The following SNTG1 variants were observed in gnomAD, a reference collection of about 807,000 sequenced individuals.
The protein encoded by SNTG1 is syntrophin gamma 1.
In SNTG1, 39 loss-of-function variants were observed where a neutral mutation model predicts 74.7. That is an observed-to-expected ratio of 0.52 (90% CI 0.40 to 0.68). The LOEUF (loss-of-function observed/expected upper bound fraction) is 0.68. SNTG1 is among the 30% of genes least tolerant of loss of function. SNTG1 has a pLI of 0.00. For synonymous variants in SNTG1, 254 were observed against 217.1 expected (o/e 1.17, Z -1.49); for missense variants, 685 against 609.5 (o/e 1.12, Z -1.30).
intron 8 of SNTG1, among the ~76,000 whole-genome samples, chr8:50,481,476 A>G (rs1231697102): frequency 6.6e-6 from 1 of 152,236 alleles, no homozygotes; most frequent in Non-Finnish European, 1.5e-5. Context: ...GGGGATTTTT[A>G]TACTATCTCC....
intron 4 of SNTG1, among the ~76,000 whole-genome samples, chr8:50,423,924 C>T (rs2131476021): frequency 6.6e-6 from 1 of 152,266 alleles, no homozygotes; most frequent in South Asian, 2.1e-4. Context: ...TGATGAAAGG[C>T]TCAAGTATTG....
intron 18 of SNTG1, among the ~76,000 whole-genome samples, chr8:50,786,324 T>C (rs1412261304): frequency 6.6e-6 from 1 of 151,956 alleles, no homozygotes; most frequent in Non-Finnish European, 1.5e-5. Flanking sequence ...GTGCAAATAT[T>C]GTGTACTGAA....
chr8:50,200,407 A>C (rs1355118785), intron 2 of SNTG1, among the ~76,000 whole-genome samples: 2 of 152,150 alleles, frequency 1.3e-5, no homozygotes, highest in Non-Finnish European at 2.9e-5. Context: ...TGATCATAGA[A>C]ACAGACGTTG....
At chr8:50,309,304 C>A (rs1428779501) in intron 2 of SNTG1, among the ~76,000 whole-genome samples, 1 of 151,706 alleles carries the variant, frequency 6.6e-6, no homozygotes, top group Non-Finnish European at 1.5e-5. Context: ...ACTCTTTTCT[C>A]TCAGGTTTTT....
chr8:50,472,386 C>A (rs751143389), intron 8 of SNTG1, among the ~76,000 whole-genome samples: 1 of 151,980 alleles, frequency 6.6e-6, no homozygotes, highest in African/African-American at 2.4e-5. Context: ...GCTCAGTAAA[C>A]GATTTTAAAT....
At chr8:50,635,110 A>G (rs890311328) in intron 13 of SNTG1, among the ~76,000 whole-genome samples, 5 of 152,138 alleles carry the variant, frequency 3.3e-5, no homozygotes, top group African/African-American at 9.7e-5. Flanking sequence ...TCCCAAGTTT[A>G]ATCTAAATCT....
At chr8:50,544,271 T>A (rs961800496) in intron 11 of SNTG1, among the ~76,000 whole-genome samples, 1 of 152,044 alleles carries the variant, frequency 6.6e-6, no homozygotes, top group Non-Finnish European at 1.5e-5. Flanking sequence ...TCAGAAAATG[T>A]TAGAACTTTA....
At chr8:50,121,407 AT>A (rs1416485843) in intron 1 of SNTG1, among the ~76,000 whole-genome samples, 1 of 142,232 alleles carries the variant, frequency 7.0e-6, no homozygotes, top group African/African-American at 2.5e-5. Context: ...ACATTCTGGA[AT>A]GTTTAACCTC....
chr8:50,136,848 G>A (rs1160717398), intron 1 of SNTG1, among the ~76,000 whole-genome samples: 1 of 152,064 alleles, frequency 6.6e-6, no homozygotes, highest in Non-Finnish European at 1.5e-5. Context: ...GTCAGGGTTG[G>A]GACCCATGGT....
chr8:50,467,730 G>C (rs1403087873), intron 8 of SNTG1, among the ~76,000 whole-genome samples: 3 of 151,750 alleles, frequency 2.0e-5, no homozygotes, highest in African/African-American at 7.2e-5. Context: ...TGAGAGCTTA[G>C]ATCATTGATT....
At chr8:50,063,977 A>G (rs203949) in intron 1 of SNTG1, among the ~76,000 whole-genome samples, 100,516 of 152,048 alleles carry the variant, frequency 0.66, 33,827 homozygotes, top group East Asian at 0.85. Context: ...TTCATTTTCC[A>G]TCTATAGCAA....
intron 1 of SNTG1, among the ~76,000 whole-genome samples, chr8:50,151,099 G>A (rs1357988340): frequency 6.6e-6 from 1 of 152,110 alleles, no homozygotes; most frequent in East Asian, 1.9e-4. Flanking sequence ...GCCTGTTATT[G>A]GTCTATTCAG....
intron 4 of SNTG1, among the ~76,000 whole-genome samples, chr8:50,429,135 A>G (rs187654361): frequency 6.6e-6 from 1 of 152,246 alleles, no homozygotes; most frequent in Non-Finnish European, 1.5e-5. Context: ...GCAGGAATAG[A>G]CAAGCTGATC....
chr8:50,484,157 C>CTTCTTTCTTTCT (rs1563453703), intron 8 of SNTG1, among the ~76,000 whole-genome samples: 71 of 27,950 alleles, frequency 2.5e-3, no homozygotes, highest in African/African-American at 4.7e-3. Flanking sequence ...TCTTTCCTTC[C>CTTCTTTCTTTCT]TTCCTTCCTT....
chr8:50,479,314 A>T (rs2093721239), intron 8 of SNTG1, among the ~76,000 whole-genome samples: 1 of 152,036 alleles, frequency 6.6e-6, no homozygotes, highest in Admixed American at 6.6e-5. Flanking sequence ...GACTCTTGTA[A>T]TTATCCAGCT....
chr8:49,956,306 A>G (rs941723135), intron 1 of SNTG1, among the ~76,000 whole-genome samples: 1 of 152,254 alleles, frequency 6.6e-6, no homozygotes, highest in Non-Finnish European at 1.5e-5. Flanking sequence ...CCTAAAACAA[A>G]CAACCCAAAC....
At chr8:50,079,881 G>T (rs1822246877) in intron 1 of SNTG1, among the ~76,000 whole-genome samples, 1 of 152,062 alleles carries the variant, frequency 6.6e-6, no homozygotes, top group African/African-American at 2.4e-5. Flanking sequence ...TATTTCTGAG[G>T]CTTCTGTTCT....
chr8:50,688,873 T>C (rs2095364775), intron 15 of SNTG1, among the ~76,000 whole-genome samples: 1 of 152,042 alleles, frequency 6.6e-6, no homozygotes, highest in African/African-American at 2.4e-5. Context: ...ACGATATTGA[T>C]TCTTCCTACC....
intron 1 of SNTG1, among the ~76,000 whole-genome samples, chr8:49,942,717 A>C (rs1808810525): frequency 6.6e-6 from 1 of 152,312 alleles, no homozygotes; most frequent in East Asian, 1.9e-4. Flanking sequence ...TGATGTTTCA[A>C]GTATGACTAG....
Sources: gnomAD v4.1 joint callset for allele counts (sites outside exome capture counted in the v4.1 genomes callset) on GRCh38, gnomAD v4.1.1 for gene constraint, MANE v1.5 for transcripts, NCBI Gene and HGNC (gene_info 2026-07-23, HGNC 2026-07-21) for gene names.